The following WDFY4 variants were observed in gnomAD, a reference collection of about 807,000 sequenced individuals.
WDFY4 encodes WDFY family member 4.
In WDFY4, 169 loss-of-function variants were observed where a neutral mutation model predicts 351.9. That is an observed-to-expected ratio of 0.48 (90% confidence interval 0.42 to 0.55). The LOEUF (loss-of-function observed/expected upper bound fraction) is 0.55, where lower values mean the gene tolerates loss of function less well. Ranked by LOEUF, WDFY4 falls within the 20% of genes least tolerant of loss-of-function variation. The pLI, the probability that WDFY4 is intolerant of heterozygous loss-of-function variation, is 0.00. For synonymous variants in WDFY4, 1,622 were observed against 1,574.6 expected, an observed-to-expected ratio of 1.03 and a Z score of -0.71; for missense variants, 3,803 against 3,935.6, an observed-to-expected ratio of 0.97 and a Z score of 0.90.
At chr10:48,909,041 T>A (rs1225709915) in intron 47 of WDFY4, among the ~76,000 whole-genome samples, 1 of 202 alleles carries the variant, frequency 5.0e-3, no homozygotes, top group Non-Finnish European at 0.016. Flanking sequence ...AGATGGGCAT[T>A]TTTTTTTTAA....
chr10:48,799,545 C>T (rs1036287712), intron 24 of WDFY4, among the ~76,000 whole-genome samples: 8 of 152,016 alleles, frequency 5.3e-5, no homozygotes, highest in Admixed American at 2.0e-4. Flanking sequence ...GAGGCCGAGG[C>T]GGGTGGATCG....
At chr10:48,896,073 C>A (rs1837062008) in intron 44 of WDFY4, among the ~76,000 whole-genome samples, 1 of 152,250 alleles carries the variant, frequency 6.6e-6, no homozygotes, top group Non-Finnish European at 1.5e-5. Flanking sequence ...TGAGCTCTGG[C>A]TTTCAGGAAG....
chr10:48,796,153 T>G (rs2066867645), intron 23 of WDFY4, 145 bp from the exon 24 acceptor site: 8 of 936,368 alleles, frequency 8.5e-6, no homozygotes, highest in African/African-American at 1.7e-5. Flanking sequence ...CAGAAGTTGA[T>G]GTGTATTTTT....
chr10:48,770,159 T>C (rs911182054), intron 13 of WDFY4, among the ~76,000 whole-genome samples: 2 of 152,244 alleles, frequency 1.3e-5, no homozygotes, highest in African/African-American at 2.4e-5. Context: ...GCTGCAGTGA[T>C]AATGAGGACG....
chr10:48,719,984 C>G (rs1471019965), intron 2 of WDFY4, 27 bp from the exon 3 acceptor site: 2 of 1,547,592 alleles, frequency 1.3e-6, no homozygotes, highest in African/African-American at 2.7e-5. Flanking sequence ...ATTGCTATCT[C>G]TGACCAAGTC....
At chr10:48,788,477 A>C in intron 20 of WDFY4, 53 bp from the exon 21 acceptor site, 1 of 1,527,580 alleles carries the variant, frequency 6.5e-7, no homozygotes, top group Non-Finnish European at 8.8e-7. Context: ...ATGAGGATTA[A>C]TTTCCTGCTC....
At chr10:48,777,851 T>A (rs1331475369) in intron 17 of WDFY4, among the ~76,000 whole-genome samples, 1 of 152,250 alleles carries the variant, frequency 6.6e-6, no homozygotes, top group Non-Finnish European at 1.5e-5. Flanking sequence ...GTTCTGTTCA[T>A]TGTGCATCCC....
At chr10:48,795,021 A>T (rs1338264644) in intron 23 of WDFY4, among the ~76,000 whole-genome samples, 2 of 152,118 alleles carry the variant, frequency 1.3e-5, no homozygotes, top group African/African-American at 2.4e-5. Flanking sequence ...ACTAGAATAT[A>T]TTTGTACATA....
At chr10:48,809,914 G>A (rs1233192126) in intron 28 of WDFY4, among the ~76,000 whole-genome samples, 1 of 152,152 alleles carries the variant, frequency 6.6e-6, no homozygotes, top group Non-Finnish European at 1.5e-5. Context: ...CAAAAGTCTG[G>A]GTCCTTTGCT....
At position 48,743,146 on chromosome 10, in the gene WDFY4, G is replaced by C. The variant is rs1384867372; in HGVS notation, c.2057G>C (p.Cys686Ser). The C allele has an allele frequency of 4.5e-6, 7 of 1,551,582 alleles. No individual in the cohort carries two copies. The highest frequency in any genetic ancestry group is 6.1e-6 in the Non-Finnish European group (7 of 1,147,014). Residue 686 changes from cysteine (C) to serine (S), a missense_variant, in exon 12 of 62, where the codon TGT becomes TCT. Transcript: ENST00000325239. ...CTGGAGCTGGTTTTGTACACTCTCT[G>C]TGCTGTGTCCGCAGCGCTGCACTGG... is the stretch of plus-strand genomic sequence containing the variant. ...QTLELVLYTL[C>S]AVSAALHWDP... is the part of the protein sequence containing the mutation.
intron 47 of WDFY4, among the ~76,000 whole-genome samples, chr10:48,906,844 C>G (rs1837640395): frequency 6.6e-6 from 1 of 152,190 alleles, no homozygotes; most frequent in South Asian, 2.1e-4. Flanking sequence ...GAGTGAGTTA[C>G]TCTAATTGTC....
intron 47 of WDFY4, among the ~76,000 whole-genome samples, chr10:48,926,253 T>C (rs12256032): frequency 0.11 from 16,200 of 152,260 alleles, 2,138 homozygotes; most frequent in African/African-American, 0.31. Context: ...AGCCCCTCCA[T>C]GGCCCCAGGC....
intron 47 of WDFY4, among the ~76,000 whole-genome samples, chr10:48,921,939 A>G (rs1390999386): frequency 6.6e-6 from 1 of 152,212 alleles, no homozygotes; most frequent in African/African-American, 2.4e-5. Context: ...TATAGTTATT[A>G]TATCATCTGG....
chr10:48,687,476 T>A (rs1190839149), intron 1 of WDFY4, among the ~76,000 whole-genome samples: 1 of 152,158 alleles, frequency 6.6e-6, no homozygotes, highest in African/African-American at 2.4e-5. Flanking sequence ...ATAATATTAC[T>A]TTTTACACTG....
intron 30 of WDFY4, among the ~76,000 whole-genome samples, chr10:48,812,821 C>T (rs1488887211): frequency 6.6e-6 from 1 of 152,160 alleles, no homozygotes; most frequent in African/African-American, 2.4e-5. Context: ...AATTCACCCG[C>T]CCTCAGCTGT....
At chr10:48,947,369 G>A (rs182442188) in intron 51 of WDFY4, among the ~76,000 whole-genome samples, 48 of 152,292 alleles carry the variant, frequency 3.2e-4, no homozygotes, top group African/African-American at 1.2e-3. Context: ...CAAGACATCG[G>A]AATGCATAAA....
chr10:48,879,092 G>A (rs1412415965), intron 43 of WDFY4, among the ~76,000 whole-genome samples: 1 of 152,190 alleles, frequency 6.6e-6, no homozygotes. Context: ...TGCTCATATA[G>A]GTAAGTGGAT....
chr10:48,900,416 A>G (rs928233034), intron 46 of WDFY4, 110 bp downstream of exon 46: 65 of 1,021,434 alleles, frequency 6.4e-5, no homozygotes, highest in Non-Finnish European at 8.5e-5. Context: ...CCCACAGTGA[A>G]CGCCACTCAG....
intron 51 of WDFY4, among the ~76,000 whole-genome samples, chr10:48,951,691 T>G (rs538959638): frequency 1.8e-4 from 28 of 152,352 alleles, no homozygotes; most frequent in African/African-American, 4.8e-4. Flanking sequence ...GAAAATGTTA[T>G]AGTTCTTAGG....
Sources: allele counts gnomAD v4.1 joint callset (sites outside exome capture counted in the v4.1 genomes callset), GRCh38; gene constraint gnomAD v4.1.1; transcripts MANE v1.5; gene names NCBI Gene and HGNC (gene_info 2026-07-23, HGNC 2026-07-21).